Variants in TBC1D5 observed in about 807,000 individuals in gnomAD.
The protein encoded by TBC1D5 is TBC1 domain family member 5.
In TBC1D5, 75 loss-of-function variants were observed where a neutral mutation model predicts 100.3. That is an observed-to-expected ratio of 0.75 (90% confidence interval 0.62 to 0.91). The LOEUF (loss-of-function observed/expected upper bound fraction) is 0.91. TBC1D5 is among the 40% of genes least tolerant of loss of function. The pLI is 0.00. For synonymous variants in TBC1D5, 323 were observed against 325.6 expected, an observed-to-expected ratio of 0.99 and a Z score of 0.09; for missense variants, 910 against 942.4, an observed-to-expected ratio of 0.97 and a Z score of 0.45.
At chr3:17,454,578 G>T (rs2149779042) in intron 3 of TBC1D5, among the ~76,000 whole-genome samples, 1 of 152,166 alleles carries the variant, frequency 6.6e-6, no homozygotes, top group Admixed American at 6.5e-5. Flanking sequence ...TCCTGCCTCA[G>T]CCTCCTGAGT....
chr3:17,674,518 A>G (rs1293917125), intron 1 of TBC1D5, among the ~76,000 whole-genome samples: 3 of 152,188 alleles, frequency 2.0e-5, no homozygotes, highest in Non-Finnish European at 4.4e-5. Context: ...GTCATGCAAT[A>G]TTGTAATTTA....
intron 2 of TBC1D5, chr3:17,623,632 G>C (rs1172912583): frequency 6.6e-6 from 1 of 152,326 alleles, no homozygotes; most frequent in Non-Finnish European, 1.5e-5. Flanking sequence ...CGGCAGCCAG[G>C]AACTGTCTCC....
intron 15 of TBC1D5, among the ~76,000 whole-genome samples, chr3:17,273,308 C>G (rs902625688): frequency 6.6e-6 from 1 of 152,116 alleles, no homozygotes; most frequent in African/African-American, 2.4e-5. Flanking sequence ...CTATGATTCC[C>G]TTCCTAGCTC....
intron 13 of TBC1D5, among the ~76,000 whole-genome samples, chr3:17,308,562 A>G (rs547926057): frequency 2.6e-5 from 4 of 152,262 alleles, no homozygotes; most frequent in Admixed American, 1.3e-4. Context: ...TTGTATGACA[A>G]ATCCAATAGA....
chr3:17,628,562 CT>C (rs1343851005), intron 1 of TBC1D5, among the ~76,000 whole-genome samples: 1 of 151,968 alleles, frequency 6.6e-6, no homozygotes, highest in African/African-American at 2.4e-5. Flanking sequence ...TAAAATAAGG[CT>C]TTAGAAAAAC....
At chr3:17,591,250 A>AT (rs2096767858) in intron 2 of TBC1D5, among the ~76,000 whole-genome samples, 2 of 137,052 alleles carry the variant, frequency 1.5e-5, no homozygotes, top group Non-Finnish European at 3.1e-5. Flanking sequence ...AAAAAAAAAA[A>AT]AAAAAAAAAA....
chr3:17,425,373 T>G (rs2094311971), intron 4 of TBC1D5, among the ~76,000 whole-genome samples: 1 of 152,224 alleles, frequency 6.6e-6, no homozygotes, highest in African/African-American at 2.4e-5. Context: ...ACGCCTGTAA[T>G]CCCAACACTT....
At position 17,238,146 on chromosome 3, in the gene TBC1D5, C is replaced by T; in HGVS notation, c.1588+17G>A. The T allele has an allele frequency of 6.2e-7, 1 of 1,607,320 alleles. No individual in the cohort carries two copies. The highest frequency in any genetic ancestry group is 1.3e-5 in the African/African-American group (1 of 74,752). ...ACCATGAATGTTTTCTTTAGATTTA[C>T]TAGTATTTTTTCCTACCTTTGTTCA... On this transcript the variant is annotated intron_variant, in intron 17 of 21. Transcript: ENST00000253692.
intron 15 of TBC1D5, among the ~76,000 whole-genome samples, chr3:17,289,709 A>C (rs552599645): frequency 1.3e-5 from 2 of 152,272 alleles, no homozygotes; most frequent in South Asian, 2.1e-4. Context: ...AATTTAATTC[A>C]ACCTCCAAAT....
intron 3 of TBC1D5, among the ~76,000 whole-genome samples, chr3:17,460,738 C>A (rs1334369275): frequency 6.6e-6 from 1 of 151,302 alleles, no homozygotes; most frequent in Non-Finnish European, 1.5e-5. Context: ...CACTTCAATG[C>A]CAAGCTCACA....
At chr3:17,212,751 A>T (rs1266729840) in intron 18 of TBC1D5, among the ~76,000 whole-genome samples, 1 of 152,126 alleles carries the variant, frequency 6.6e-6, no homozygotes, top group Admixed American at 6.5e-5. Context: ...AAATTTAAAA[A>T]TAGAAAAAAG....
chr3:17,452,953 C>T (rs998087880), intron 3 of TBC1D5, among the ~76,000 whole-genome samples: 6 of 151,524 alleles, frequency 4.0e-5, no homozygotes, highest in Non-Finnish European at 8.8e-5. Context: ...AAAATACTAT[C>T]AAGCATCTTC....
rs537334666 is a variant in TBC1D5 at position 17,200,866 on chromosome 3, C to T, written c.1752+13341G>A. On this transcript the variant is annotated intron_variant, in intron 18 of 21. Coordinates refer to ENST00000253692, the Ensembl canonical transcript of TBC1D5. ...AGGTCAATCTTATTCAAGCCAAGTA[C>T]AATAGTTTAGTCAAATGCAACTTAA... Among the ~76,000 whole-genome samples, 8 of 152,128 alleles carry T rather than the reference C, an allele frequency of 5.3e-5. No homozygotes were observed. In the East Asian group the frequency reaches 1.5e-3, roughly 29 times the overall value.
At chr3:17,295,354 T>C (rs1305920239) in intron 14 of TBC1D5, among the ~76,000 whole-genome samples, 2 of 152,230 alleles carry the variant, frequency 1.3e-5, no homozygotes, top group Non-Finnish European at 2.9e-5. Flanking sequence ...ACAGGGTTTC[T>C]GTAAGAGTGG....
At chr3:17,384,581 A>T (rs891436657) in intron 8 of TBC1D5, among the ~76,000 whole-genome samples, 7 of 152,050 alleles carry the variant, frequency 4.6e-5, no homozygotes, top group Non-Finnish European at 1.0e-4. Flanking sequence ...TGAATGTATA[A>T]GGGCCGAGGG....
chr3:17,184,925 C>T (rs1296036824), intron 19 of TBC1D5, 184 bp downstream of exon 20: 3 of 391,796 alleles, frequency 7.7e-6, no homozygotes, highest in African/African-American at 2.0e-5. Context: ...CCCTCTATGC[C>T]TTGGTTTCTT....
intron 8 of TBC1D5, among the ~76,000 whole-genome samples, chr3:17,401,793 T>C (rs562517316): frequency 1.3e-5 from 2 of 151,880 alleles, no homozygotes; most frequent in East Asian, 3.9e-4. Flanking sequence ...TACAGTTTAG[T>C]TAACAATATA....
At chr3:17,381,045 A>C (rs918851604) in intron 9 of TBC1D5, among the ~76,000 whole-genome samples, 1 of 152,074 alleles carries the variant, frequency 6.6e-6, no homozygotes, top group Non-Finnish European at 1.5e-5. Flanking sequence ...TTCTGTAAAA[A>C]ATCTATAGGA....
At chr3:17,483,626 A>G (rs2095525561) in intron 3 of TBC1D5, among the ~76,000 whole-genome samples, 1 of 152,200 alleles carries the variant, frequency 6.6e-6, no homozygotes, top group Non-Finnish European at 1.5e-5. Context: ...TCACAATTGA[A>G]CTGTATATTA....
Sources: allele counts gnomAD v4.1 joint callset (sites outside exome capture counted in the v4.1 genomes callset), GRCh38; gene constraint gnomAD v4.1.1; transcripts MANE v1.5; gene names NCBI Gene and HGNC (gene_info 2026-07-23, HGNC 2026-07-21).